RFFL: variants seen among roughly 807,000 people sequenced by gnomAD.
RFFL encodes E3 ubiquitin-protein ligase rififylin.
In RFFL, 16 loss-of-function variants were observed where a neutral mutation model predicts 40.4. The observed-to-expected ratio is 0.40, with a 90% CI of 0.27 to 0.60. The LOEUF (loss-of-function observed/expected upper bound fraction) is 0.60. Ranked by LOEUF, RFFL falls within the 20% of genes least tolerant of loss-of-function variation. The pLI is 0.47. For synonymous variants in RFFL, 154 were observed against 167.9 expected, an observed-to-expected ratio of 0.92 and a Z score of 0.64; for missense variants, 367 against 451.7, an observed-to-expected ratio of 0.81 and a Z score of 1.70.
Position 35,016,554 on chromosome 17 carries a change from G to A in RFFL, c.702C>T (p.Val234=), listed in dbSNP as rs34890676. 3.4e-4 allele frequency: 542 copies of A among 1,614,088 alleles called. No individual in the cohort carries two copies. The African/African-American group carries it at 6.5e-3, about 19-fold the overall frequency. Residue 234 remains valine, a synonymous_variant, in exon 5 of 7, where the codon GTC becomes GTT. Coordinates refer to ENST00000394597, the MANE Select transcript of RFFL (RefSeq NM_001017368.2). ...CAGACAGAGAGGCCCTTCGGCCTGG[G>A]ACAAAGCTGTCCTCTGAGTCAATAG... ...TQSIDSEDSF[V]PGRRASLSDL...
At chr17:35,062,461 T>C (rs1396046487) in intron 1 of RFFL, among the ~76,000 whole-genome samples, 2 of 152,118 alleles carry the variant, frequency 1.3e-5, no homozygotes, top group African/African-American at 4.8e-5. Context: ...GTACAGGCTC[T>C]TGCTCATTCT....
chr17:35,040,866 G>GTTT (rs1567708127), intron 1 of RFFL, among the ~76,000 whole-genome samples: 1 of 10,946 alleles, frequency 9.1e-5, no homozygotes, highest in Non-Finnish European at 3.0e-4. Context: ...TTTTTTTTTG[G>GTTT]TGTGTGTGTG....
intron 1 of RFFL, among the ~76,000 whole-genome samples, chr17:35,030,209 T>C (rs1330012749): frequency 6.7e-6 from 1 of 149,246 alleles, no homozygotes; most frequent in Non-Finnish European, 1.5e-5. Context: ...ATATACCCAG[T>C]AATGGGATGG....
intron 1 of RFFL, among the ~76,000 whole-genome samples, chr17:35,043,376 A>C (rs916237934): frequency 2.6e-5 from 4 of 152,182 alleles, no homozygotes; most frequent in African/African-American, 9.7e-5. Flanking sequence ...TGGACTTTTC[A>C]ATCTTACATC....
intron 1 of RFFL, among the ~76,000 whole-genome samples, chr17:35,026,924 G>A (rs1294029274): frequency 2.0e-5 from 3 of 152,070 alleles, no homozygotes; most frequent in South Asian, 2.1e-4. Context: ...GGCTAGTCTC[G>A]AACTCCTGAC....
chr17:35,038,413 A>G (rs1026567555), intron 1 of RFFL, among the ~76,000 whole-genome samples: 3 of 152,104 alleles, frequency 2.0e-5, no homozygotes, highest in African/African-American at 7.2e-5. Flanking sequence ...ACGCGCACCC[A>G]CATCTCTTTC....
At chr17:35,068,845 G>A (rs1192458457) in intron 1 of RFFL, among the ~76,000 whole-genome samples, 1 of 152,176 alleles carries the variant, frequency 6.6e-6, no homozygotes, top group Non-Finnish European at 1.5e-5. Flanking sequence ...TGACCAAACT[G>A]CTATCTTGGG....
chr17:35,080,974 TA>T (rs2091400852), intron 1 of RFFL, among the ~76,000 whole-genome samples: 1 of 152,232 alleles, frequency 6.6e-6, no homozygotes, highest in Non-Finnish European at 1.5e-5. Flanking sequence ...AAAAGTCAGA[TA>T]ACATTAGCTC....
chr17:35,029,684 A>AT (rs1233652978), intron 1 of RFFL, among the ~76,000 whole-genome samples: 1 of 151,006 alleles, frequency 6.6e-6, no homozygotes, highest in African/African-American at 2.4e-5. Flanking sequence ...CACCTGGCTA[A>AT]TTTTTTATTT....
chr17:35,012,060 T>C lies in RFFL; in HGVS notation c.1000A>G (p.Met334Val), dbSNP rs1375068736. The C allele has an allele frequency of 1.2e-6, 2 of 1,614,118 alleles. No individual in the cohort carries two copies. Among genetic ancestry groups the C allele is most frequent in the Non-Finnish European group, 8.5e-7 (1 of 1,179,978 alleles). ...TTGCCACACTTGGTACAGGTTACCA[T>C]GTGGCCACACTCCAGAAGAACACAG... ...IDCVLLECGH[M>V]VTCTKCGKRM... The change falls in exon 7 of 7, where the codon ATG becomes GTG. Residue 334 changes from methionine to valine, a missense_variant. Physicochemically the swap from Met to Val is conservative, Grantham distance 21. Transcript: ENST00000394597.
intron 1 of RFFL, among the ~76,000 whole-genome samples, chr17:35,032,284 T>C (rs2091090149): frequency 6.6e-6 from 1 of 151,842 alleles, no homozygotes; most frequent in Non-Finnish European, 1.5e-5. Context: ...CTCATTTGCA[T>C]ATTAGAGTGC....
chr17:35,037,369 T>A (rs1033398045), intron 1 of RFFL, among the ~76,000 whole-genome samples: 1 of 152,230 alleles, frequency 6.6e-6, no homozygotes, highest in African/African-American at 2.4e-5. Flanking sequence ...CTTAGCTTCA[T>A]CTTGTGTATT....
At chr17:35,027,536 C>A (rs2091050428) in intron 1 of RFFL, among the ~76,000 whole-genome samples, 1 of 151,908 alleles carries the variant, frequency 6.6e-6, no homozygotes. Flanking sequence ...ACCAGCCTGA[C>A]CAACATGGAG....
chr17:35,044,221 C>A lies in RFFL; in HGVS notation c.-8-17660G>T, dbSNP rs117859549. On this transcript the variant is annotated intron_variant, in intron 1 of 6. Coordinates refer to ENST00000394597, the MANE Select transcript of RFFL (RefSeq NM_001017368.2). ...TCCTGAGTAGCTAGAACTGCAAATACCCACCACCTTGCCCAGCTAATTTTT... is the reference window on the plus strand; with the variant it reads ...TCCTGAGTAGCTAGAACTGCAAATAACCACCACCTTGCCCAGCTAATTTTT... 4.5e-3 allele frequency among the ~76,000 whole-genome samples: 688 copies of A among 152,242 alleles called. 3 individuals are homozygous for A. The highest frequency in any genetic ancestry group is 7.6e-3 in the Non-Finnish European group (519 of 68,006).
intron 1 of RFFL, among the ~76,000 whole-genome samples, chr17:35,040,345 T>C (rs1438243337): frequency 6.7e-6 from 1 of 150,106 alleles, no homozygotes; most frequent in East Asian, 1.9e-4. Flanking sequence ...CTCACACCTG[T>C]AATCCCAGCA....
At chr17:35,060,890 G>A (rs1471659340) in intron 1 of RFFL, among the ~76,000 whole-genome samples, 1 of 152,174 alleles carries the variant, frequency 6.6e-6, no homozygotes, top group Non-Finnish European at 1.5e-5. Context: ...GACAGACAGT[G>A]CTGTCTGTCA....
At chr17:35,041,930 G>A (rs775112166) in intron 1 of RFFL, among the ~76,000 whole-genome samples, 3 of 152,100 alleles carry the variant, frequency 2.0e-5, no homozygotes, top group East Asian at 1.9e-4. Context: ...GAGAAGTATC[G>A]CTTGAACCCG....
intron 1 of RFFL, among the ~76,000 whole-genome samples, chr17:35,062,719 TG>T (rs2091299857): frequency 6.6e-6 from 1 of 152,108 alleles, no homozygotes; most frequent in Non-Finnish European, 1.5e-5. Flanking sequence ...AAAGAGAACG[TG>T]GGCAATTTGT....
intron 1 of RFFL, chr17:35,069,177 C>G (rs2091334650): frequency 2.2e-6 from 1 of 451,916 alleles, no homozygotes; most frequent in Non-Finnish European, 4.5e-6. Context: ...CGTCTCTTCT[C>G]CTAATACACA....
Sources: allele counts gnomAD v4.1 joint callset (sites outside exome capture counted in the v4.1 genomes callset), GRCh38; gene constraint gnomAD v4.1.1; transcripts MANE v1.5; gene names NCBI Gene and HGNC (gene_info 2026-07-23, HGNC 2026-07-21).